The following ZBTB20 variants were observed in gnomAD, a reference collection of about 807,000 sequenced individuals.
The protein encoded by ZBTB20 is zinc finger and BTB domain containing 20, also known as zinc finger and BTB domain-containing protein 20.
Under a neutral mutation model 56.9 loss-of-function variants are expected in ZBTB20, and 9 were observed. That is an observed-to-expected ratio of 0.16 (90% confidence interval 0.10 to 0.28). ZBTB20 has a LOEUF of 0.28. Ranked by LOEUF, ZBTB20 falls within the 10% of genes least tolerant of loss-of-function variation. The probability of loss-of-function intolerance (pLI) is 1.00; values close to 1 mark genes in which losing one functional copy is unlikely to be tolerated. For missense variants in ZBTB20, 655 were observed against 1,003.0 expected (o/e 0.65, Z 4.69); for synonymous variants, 417 against 420.7 (o/e 0.99, Z 0.11).
intron 6 of ZBTB20, among the ~76,000 whole-genome samples, chr3:114,620,087 G>A (rs1315733853): frequency 6.6e-6 from 1 of 152,210 alleles, no homozygotes; most frequent in Non-Finnish European, 1.5e-5. Flanking sequence ...ACCCTCATAA[G>A]TCCAGGAAAA....
intron 3 of ZBTB20, among the ~76,000 whole-genome samples, chr3:114,909,161 T>A (rs2075431250): frequency 6.6e-6 from 1 of 151,932 alleles, no homozygotes; most frequent in African/African-American, 2.4e-5. Flanking sequence ...CCAGAAGACC[T>A]TCCAGTGGGA....
intron 6 of ZBTB20, among the ~76,000 whole-genome samples, chr3:114,507,790 C>T (rs542541866): frequency 3.3e-5 from 5 of 152,036 alleles, no homozygotes; most frequent in South Asian, 2.1e-4. Context: ...AAAAATTATA[C>T]AGAATCACAA....
At chr3:114,411,577 T>C (rs1455768396) in intron 7 of ZBTB20, among the ~76,000 whole-genome samples, 3 of 152,106 alleles carry the variant, frequency 2.0e-5, no homozygotes, top group African/African-American at 4.8e-5. Context: ...ATTTATTCTG[T>C]TAGAAAAAAA....
At chr3:114,756,726 T>C (rs1352212690) in intron 5 of ZBTB20, among the ~76,000 whole-genome samples, 1 of 152,190 alleles carries the variant, frequency 6.6e-6, no homozygotes, top group Non-Finnish European at 1.5e-5. Flanking sequence ...CCTCTGAGAA[T>C]GATCCAGCCA....
intron 6 of ZBTB20, 29 bp from the exon 7 acceptor site, chr3:114,500,420 A>G (rs2043813319): frequency 6.6e-6 from 1 of 152,232 alleles, no homozygotes; most frequent in South Asian, 2.1e-4. Flanking sequence ...ATAAGGAATT[A>G]AAAGCAAACC....
chr3:114,659,559 T>TGC (rs1456057114), intron 6 of ZBTB20, among the ~76,000 whole-genome samples: 1 of 152,168 alleles, frequency 6.6e-6, no homozygotes, highest in African/African-American at 2.4e-5. Flanking sequence ...AAAACATGGC[T>TGC]CTTCTGTGAA....
chr3:114,998,222 A>G (rs560043769), intron 2 of ZBTB20, among the ~76,000 whole-genome samples: 1 of 151,888 alleles, frequency 6.6e-6, no homozygotes, highest in African/African-American at 2.4e-5. Flanking sequence ...GACCTAGTAC[A>G]ATAAAATAAA....
At chr3:114,673,587 A>G (rs2061475231) in intron 6 of ZBTB20, among the ~76,000 whole-genome samples, 1 of 152,190 alleles carries the variant, frequency 6.6e-6, no homozygotes, top group Non-Finnish European at 1.5e-5. Context: ...GTGAAAATTA[A>G]GATAAATCCA....
intron 5 of ZBTB20, among the ~76,000 whole-genome samples, chr3:114,771,001 T>C (rs2069153205): frequency 6.6e-6 from 1 of 152,220 alleles, no homozygotes; most frequent in Non-Finnish European, 1.5e-5. Context: ...ATTTTAAATA[T>C]GAAAGACATG....
chr3:114,408,136 A>G (rs1257144485), intron 7 of ZBTB20, among the ~76,000 whole-genome samples: 2 of 152,160 alleles, frequency 1.3e-5, no homozygotes, highest in African/African-American at 2.4e-5. Context: ...AAACTTCTTT[A>G]GCTTTCTAGA....
At position 114,350,713 on chromosome 3, in the gene ZBTB20, G is replaced by C. The variant is rs184110076; in HGVS notation, c.1365C>G (p.Ser455Arg). The C allele has an allele frequency of 3.2e-5, 52 of 1,614,200 alleles. No homozygotes were observed. In the South Asian group the frequency reaches 4.6e-4, roughly 14 times the overall value. ...TGTTGACCGAAGGCTGTTGTAGGAC[G>C]CTCTTGTCGGAGCTGTTGCTGACAG... is the stretch of plus-strand genomic sequence containing the variant. Reference protein sequence around the residue: ...VITVSNSSDKSVLQQPSVNTS... With the variant: ...VITVSNSSDKRVLQQPSVNTS... Residue 455 changes from serine (S) to arginine (R), a missense_variant, in exon 11 of 12, where the codon AGC (serine) becomes AGG (arginine). Ser to Arg is a moderately radical substitution (Grantham distance 110). This residue lies in a region of ZBTB20 where 156 missense variants were observed against 181.0 expected (regional missense o/e 0.86). Transcript: ENST00000675478.
intron 4 of ZBTB20, among the ~76,000 whole-genome samples, chr3:114,841,338 C>A (rs2108999002): frequency 6.6e-6 from 1 of 152,092 alleles, no homozygotes; most frequent in East Asian, 1.9e-4. Flanking sequence ...ATGCAAAGAC[C>A]AGAAATGAGA....
intron 5 of ZBTB20, among the ~76,000 whole-genome samples, chr3:114,698,504 GA>G (rs2063195848): frequency 6.6e-6 from 1 of 152,092 alleles, no homozygotes; most frequent in African/African-American, 2.4e-5. Flanking sequence ...GCGTGGACCA[GA>G]AAGAAAGGGT....
At chr3:114,954,280 A>G (rs1401706314) in intron 3 of ZBTB20, among the ~76,000 whole-genome samples, 1 of 152,186 alleles carries the variant, frequency 6.6e-6, no homozygotes, top group Non-Finnish European at 1.5e-5. Flanking sequence ...AAAATAATCA[A>G]AAATCAGAAA....
intron 6 of ZBTB20, among the ~76,000 whole-genome samples, chr3:114,631,694 A>G (rs1014627798): frequency 6.6e-6 from 1 of 152,010 alleles, no homozygotes; most frequent in Non-Finnish European, 1.5e-5. Flanking sequence ...CCAGCAAAAT[A>G]TAGGTTACTG....
intron 5 of ZBTB20, among the ~76,000 whole-genome samples, chr3:114,753,388 C>CATTATATATA (rs2067737484): frequency 1.8e-5 from 2 of 112,724 alleles, no homozygotes; most frequent in African/African-American, 6.0e-5. Context: ...TATACACATA[C>CATTATATATA]ATGTATGTAT....
intron 1 of ZBTB20, among the ~76,000 whole-genome samples, chr3:115,142,315 T>C (rs889551152): frequency 1.3e-5 from 2 of 152,082 alleles, no homozygotes; most frequent in East Asian, 3.9e-4. Flanking sequence ...AAACAGGAAA[T>C]GGTCTTACTT....
chr3:114,782,822 A>G (rs1459912767), intron 5 of ZBTB20, among the ~76,000 whole-genome samples: 2 of 152,196 alleles, frequency 1.3e-5, no homozygotes, highest in African/African-American at 4.8e-5. Context: ...TTAATGTAGA[A>G]ACTGGCTGAT....
At chr3:114,801,377 T>A (rs2071706019) in intron 4 of ZBTB20, among the ~76,000 whole-genome samples, 3 of 110,090 alleles carry the variant, frequency 2.7e-5, no homozygotes, top group African/African-American at 7.0e-5. Flanking sequence ...AGTTTTTTAA[T>A]GAAAAGAAAA....
Sources: gnomAD v4.1 joint callset for allele counts (sites outside exome capture counted in the v4.1 genomes callset) on GRCh38, gnomAD v4.1.1 for gene constraint, gnomAD v4.1.1 regional missense constraint, MANE v1.5 for transcripts, NCBI Gene and HGNC (gene_info 2026-07-23, HGNC 2026-07-21) for gene names.